TENM2: variants seen among roughly 807,000 people sequenced by gnomAD.
TENM2 encodes teneurin-2.
TENM2 carries 52 observed loss-of-function variants against 245.2 expected under a neutral mutation model. The ratio of observed to expected loss-of-function variants is 0.21; its 90% CI spans 0.17 to 0.27. TENM2 has a LOEUF of 0.27. Ranked by LOEUF, TENM2 falls within the 10% of genes least tolerant of loss-of-function variation. The pLI, the probability that TENM2 is intolerant of heterozygous loss-of-function variation, is 1.00. For missense variants in TENM2, 3,046 were observed against 3,666.8 expected (o/e 0.83, Z 4.37); for synonymous variants, 1,363 against 1,438.9 (o/e 0.95, Z 1.19).
rs113723248 is a variant in TENM2 at position 167,648,021 on chromosome 5, G to A, written c.503-227965G>A. Among the ~76,000 whole-genome samples the A allele has an allele frequency of 2.2e-3, 332 of 152,302 alleles. 1 individual carries two copies. Among genetic ancestry groups the A allele is most frequent in the African/African-American group, 7.6e-3 (316 of 41,574 alleles). ...GTCCAAAAAGCAATCCTCAGGACTT[G>A]CTACGATGTATCCCTATGTGCAAAT... is the stretch of plus-strand genomic sequence containing the variant. On this transcript the variant is annotated intron_variant, in intron 2 of 28. Coordinates refer to ENST00000518659, the Ensembl canonical transcript of TENM2.
chr5:167,320,476 T>A (rs1387832293), intron 1 of TENM2, among the ~76,000 whole-genome samples: 1 of 152,214 alleles, frequency 6.6e-6, no homozygotes, highest in South Asian at 2.1e-4. Flanking sequence ...CAGAACGAGA[T>A]CATTCAGGGC....
chr5:168,004,482 C>T, intron 5 of TENM2, among the ~76,000 whole-genome samples: 1 of 150,442 alleles, frequency 6.6e-6, no homozygotes, highest in Non-Finnish European at 1.5e-5. Context: ...GAAGGGAGGT[C>T]AGCCCCCATT....
At chr5:167,551,988 T>A (rs1345157473) in intron 2 of TENM2, among the ~76,000 whole-genome samples, 2 of 152,328 alleles carry the variant, frequency 1.3e-5, no homozygotes, top group East Asian at 3.9e-4. Flanking sequence ...GCAATTGTTC[T>A]CAAATAGTTC....
intron 26 of TENM2, among the ~76,000 whole-genome samples, chr5:168,245,833 G>A (rs1157607463): frequency 1.3e-5 from 2 of 152,152 alleles, no homozygotes; most frequent in Non-Finnish European, 2.9e-5. Flanking sequence ...ACACAGGAAT[G>A]ATTGACCAGG....
At chr5:167,962,451 T>C (rs1384829982) in intron 4 of TENM2, among the ~76,000 whole-genome samples, 2 of 152,198 alleles carry the variant, frequency 1.3e-5, no homozygotes, top group African/African-American at 4.8e-5. Flanking sequence ...ACTGAGCACA[T>C]AGAATATGCA....
chr5:167,939,649 T>C (rs1041923333), intron 3 of TENM2, among the ~76,000 whole-genome samples: 8 of 152,232 alleles, frequency 5.3e-5, no homozygotes, highest in African/African-American at 1.2e-4. Context: ...CTTGTCAGCA[T>C]AGGGTTGAGG....
In TENM2 at chr5:167,350,587, TA is replaced by T. The variant is rs1354231448; in HGVS notation, c.227-24610del. Among the ~76,000 whole-genome samples the T allele has an allele frequency of 2.2e-5, 3 of 138,944 alleles. No homozygotes were observed. In the Admixed American group the frequency reaches 2.3e-4, roughly 11 times the overall value. The allele number at this position is 138,944 out of a possible 152,430, so 91.2% of individuals were successfully genotyped here. A position where few individuals can be genotyped will look rare whatever the true frequency, so the allele number is the denominator to read the frequency against. ...GATATATATAGATATATATATGGGA[TA>T]TATATATATGGATATATATATATGG... On this transcript the variant is annotated intron_variant, in intron 1 of 28. Coordinates refer to ENST00000518659, the Ensembl canonical transcript of TENM2.
chr5:167,672,992 G>A (rs902318102), intron 2 of TENM2, among the ~76,000 whole-genome samples: 12 of 150,436 alleles, frequency 8.0e-5, no homozygotes, highest in African/African-American at 2.9e-4. Context: ...GGAGATACCA[G>A]CCCAACCTAC....
chr5:167,219,844 T>C, the TENM2 span, among the ~76,000 whole-genome samples: 1 of 152,352 alleles, frequency 6.6e-6, no homozygotes, highest in East Asian at 1.9e-4. Flanking sequence ...CCTGAAACGC[T>C]TTCAACACAC....
chr5:167,810,904 G>A (rs946790108), intron 2 of TENM2, among the ~76,000 whole-genome samples: 2 of 152,162 alleles, frequency 1.3e-5, no homozygotes, highest in East Asian at 3.9e-4. Flanking sequence ...ATGGAAAGAG[G>A]AGAGCAAGCT....
At chr5:167,314,874 T>C (rs1756262741) in intron 1 of TENM2, among the ~76,000 whole-genome samples, 1 of 152,090 alleles carries the variant, frequency 6.6e-6, no homozygotes. Flanking sequence ...TACTTATCTA[T>C]CTGGATACAT....
chr5:167,914,586 T>A (rs1272438231), intron 3 of TENM2, among the ~76,000 whole-genome samples: 1 of 152,144 alleles, frequency 6.6e-6, no homozygotes, highest in African/African-American at 2.4e-5. Context: ...CTCTATTCAT[T>A]TCTCAGGTCT....
chr5:168,104,432 G>A (rs942649721), intron 9 of TENM2, among the ~76,000 whole-genome samples: 6 of 152,288 alleles, frequency 3.9e-5, no homozygotes, highest in Non-Finnish European at 5.9e-5. Flanking sequence ...AGCTGTGCCC[G>A]GAATTCCCTG....
chr5:167,162,594 C>G, the TENM2 span, among the ~76,000 whole-genome samples: 1 of 150,804 alleles, frequency 6.6e-6, no homozygotes, highest in Non-Finnish European at 1.5e-5. Flanking sequence ...CGCCACTGCA[C>G]TGCAGCCTGG....
intron 2 of TENM2, among the ~76,000 whole-genome samples, chr5:167,378,986 T>C (rs1422528): frequency 0.59 from 88,904 of 151,716 alleles, 28,582 homozygotes; most frequent in African/African-American, 0.87. Flanking sequence ...AATAGGAAGC[T>C]AGAAATGGCA....
intron 4 of TENM2, among the ~76,000 whole-genome samples, chr5:167,986,673 C>A (rs1238578423): frequency 6.6e-6 from 1 of 152,186 alleles, no homozygotes; most frequent in Non-Finnish European, 1.5e-5. Flanking sequence ...CATTTGGAAA[C>A]TACACATTTT....
chr5:168,070,782 A>C (rs1790921867), intron 7 of TENM2, among the ~76,000 whole-genome samples: 1 of 118,646 alleles, frequency 8.4e-6, no homozygotes, highest in African/African-American at 3.4e-5. Context: ...AGATCCTGTC[A>C]GAAAGAAAGA....
chr5:167,310,061 G>A (rs945523583), intron 1 of TENM2, among the ~76,000 whole-genome samples: 4 of 151,014 alleles, frequency 2.6e-5, no homozygotes, highest in Non-Finnish European at 5.9e-5. Flanking sequence ...ATACTAAAGC[G>A]CGTATCTGTG....
intron 2 of TENM2, among the ~76,000 whole-genome samples, chr5:167,569,374 G>A (rs935397119): frequency 3.9e-5 from 6 of 152,060 alleles, no homozygotes; most frequent in Non-Finnish European, 8.8e-5. Context: ...GATGCAAAGT[G>A]TTTAAAATGT....
Sources: gnomAD v4.1 joint callset for allele counts (sites outside exome capture counted in the v4.1 genomes callset) on GRCh38, gnomAD v4.1.1 for gene constraint, MANE v1.5 for transcripts, NCBI Gene and HGNC (gene_info 2026-07-23, HGNC 2026-07-21) for gene names.